Variants in IPP observed in about 807,000 individuals in gnomAD.
IPP encodes intracisternal A particle-promoted polypeptide.
In IPP, 41 loss-of-function variants were observed where a neutral mutation model predicts 64.1. That is an observed-to-expected ratio of 0.64 (90% CI 0.50 to 0.83). The LOEUF (loss-of-function observed/expected upper bound fraction) is 0.83, where lower values mean the gene tolerates loss of function less well. IPP is among the 40% of genes least tolerant of loss of function. The pLI is 0.00. For synonymous variants in IPP, 214 were observed against 235.2 expected, an observed-to-expected ratio of 0.91 and a Z score of 0.83; for missense variants, 649 against 703.0, an observed-to-expected ratio of 0.92 and a Z score of 0.87.
At chr1:45,725,450 A>G (rs1273363082) in intron 5 of IPP, among the ~76,000 whole-genome samples, 14 of 112,136 alleles carry the variant, frequency 1.2e-4, no homozygotes, top group African/African-American at 2.1e-4. Context: ...CAGCCGCCCC[A>G]TCCGGGAGGG....
At chr1:45,726,785 G>A (rs999973146) in intron 5 of IPP, among the ~76,000 whole-genome samples, 1 of 148,018 alleles carries the variant, frequency 6.8e-6, no homozygotes, top group Non-Finnish European at 1.5e-5. Context: ...GTGCAATGGC[G>A]CGATCTCGGC....
chr1:45,706,072 G>A (rs1210256668), intron 8 of IPP, among the ~76,000 whole-genome samples: 2 of 152,106 alleles, frequency 1.3e-5, no homozygotes, highest in Non-Finnish European at 2.9e-5. Context: ...TGCATGCTAA[G>A]GTGAGATTCC....
At chr1:45,723,477 C>G (rs1427687975) in intron 5 of IPP, among the ~76,000 whole-genome samples, 3 of 152,104 alleles carry the variant, frequency 2.0e-5, no homozygotes, top group Non-Finnish European at 4.4e-5. Context: ...ACAGAAGGAC[C>G]TCTGACCCTA....
At chr1:45,729,529 TGTATA>T in intron 4 of IPP, 80 bp downstream of exon 4, 1 of 1,010,628 alleles carries the variant, frequency 9.9e-7, no homozygotes, top group Non-Finnish European at 1.5e-6. Flanking sequence ...TATTCTGACA[TGTATA>T]GTAATAACAA....
intron 3 of IPP, among the ~76,000 whole-genome samples, chr1:45,732,021 T>C (rs947303626): frequency 4.0e-5 from 6 of 151,740 alleles, no homozygotes; most frequent in Middle Eastern, 6.8e-3. Flanking sequence ...CAGCTACAAA[T>C]AGACAGACTC....
chr1:45,741,708 A>G (rs1389612802), intron 2 of IPP, among the ~76,000 whole-genome samples: 3 of 121,210 alleles, frequency 2.5e-5, no homozygotes, highest in Non-Finnish European at 5.2e-5. Context: ...GGCTCACTGC[A>G]AGCTCCGCCT....
At chr1:45,724,854 TC>T (rs1310116728) in intron 5 of IPP, among the ~76,000 whole-genome samples, 2 of 149,576 alleles carry the variant, frequency 1.3e-5, no homozygotes. Flanking sequence ...GAGGAGCGTC[TC>T]CGCCCGGCAG....
At position 45,746,108 on chromosome 1, in the gene IPP, C is replaced by A; in HGVS notation, c.292+12G>T. The stretch of plus-strand genomic sequence containing the variant: ...CATTCTTCAGTCAAAGCAACAGACT[C>A]ATGTAACATACCTGTGTAAATGAAA... On this transcript the variant is annotated intron_variant, in intron 2 of 8. Coordinates refer to ENST00000396478, the MANE Select transcript of IPP (RefSeq NM_005897.3). 1 of 1,601,580 alleles carries A rather than the reference C, an allele frequency of 6.2e-7. No homozygotes were observed. The highest frequency in any genetic ancestry group is 8.5e-7 in the Non-Finnish European group (1 of 1,169,816).
At chr1:45,749,250 C>G (rs1255382281) in intron 1 of IPP, among the ~76,000 whole-genome samples, 1 of 152,196 alleles carries the variant, frequency 6.6e-6, no homozygotes, top group African/African-American at 2.4e-5. Context: ...AACAGAAATA[C>G]TAGTCTGTTA....
chr1:45,728,139 T>TGA (rs1389803577), intron 4 of IPP, among the ~76,000 whole-genome samples: 1 of 149,178 alleles, frequency 6.7e-6, no homozygotes, highest in Non-Finnish European at 1.5e-5. Context: ...TGTGTGTGTG[T>TGA]GTGTGTGTGT....
At position 45,716,997 on chromosome 1, in the gene IPP, T is replaced by G. The variant is rs1327947439; in HGVS notation, c.1207A>C (p.Ile403Leu). 2 of 1,613,184 alleles carry G rather than the reference T, an allele frequency of 1.2e-6. No homozygotes were observed. Among genetic ancestry groups the G allele is most frequent in the African/African-American group, 1.3e-5 (1 of 75,026 alleles). The change falls in exon 7 of 9, where the codon ATA (isoleucine) becomes CTA (leucine). Residue 403 changes from isoleucine to leucine, a missense_variant. Physicochemically the swap from Ile to Leu is conservative, Grantham distance 5. Coordinates refer to ENST00000396478, the MANE Select transcript of IPP (RefSeq NM_005897.3). Reference protein sequence around the residue: ...YALGGWVGAEIGNTIERFDPD... With the variant: ...YALGGWVGAELGNTIERFDPD... ...TCAAATCGTTCAATGGTGTTCCCTA[T>G]CTCAGCTCCAACCCATCCACCTGTA...
rs1454330627 is a variant in IPP, at chr1:45,719,339, A to G, written c.1050T>C (p.Gly350=). The change falls in exon 6 of 9, where the codon GGT becomes GGC. Residue 350 remains glycine (G), a splice_region_variant and synonymous_variant. Transcript: ENST00000396478. ...AATCAAAAATCATTGAATCCTTTTC[A>G]CCTGAGTTAAATAAAAGAGACAAAT... is the stretch of plus-strand genomic sequence containing the variant. The part of the protein sequence containing the change: ...VLGGMVYAIG[G]EKDSMIFDCT... 2 of 1,582,326 alleles carry G rather than the reference A, an allele frequency of 1.3e-6. No individual in the cohort carries two copies. Among genetic ancestry groups the G allele is most frequent in the African/African-American group, 1.4e-5 (1 of 73,378 alleles).
At chr1:45,742,399 A>G (rs1646078744) in intron 2 of IPP, among the ~76,000 whole-genome samples, 1 of 152,248 alleles carries the variant, frequency 6.6e-6, no homozygotes, top group South Asian at 2.1e-4. Context: ...AAACAACAAC[A>G]GCAACAACAA....
intron 2 of IPP, among the ~76,000 whole-genome samples, chr1:45,745,701 TAA>T (rs756055700): frequency 4.3e-5 from 6 of 139,506 alleles, no homozygotes; most frequent in Non-Finnish European, 3.1e-5. Flanking sequence ...TACTAAAAAT[TAA>T]AAAAAAAAAA....
intron 8 of IPP, among the ~76,000 whole-genome samples, chr1:45,702,466 A>G (rs1645468068): frequency 6.6e-6 from 1 of 152,142 alleles, no homozygotes; most frequent in South Asian, 2.1e-4. Context: ...TATTATTATT[A>G]TCATTTGAGA....
chr1:45,733,652 C>T (rs535227196), intron 3 of IPP, among the ~76,000 whole-genome samples: 1 of 151,646 alleles, frequency 6.6e-6, no homozygotes, highest in African/African-American at 2.4e-5. Context: ...GCCAATATGG[C>T]GAAACCCCGT....
In IPP at chr1:45,699,440, G is replaced by A; in HGVS notation, c.*526C>T. ...AAAGTTTTATGTTACAATTTATACT[G>A]CACTGGAGAAGTAGCTAAAGGGACT... On this transcript the variant is annotated 3_prime_UTR_variant, in exon 9 of 9. Transcript: ENST00000396478. 1 of 987,300 alleles carries A rather than the reference G, an allele frequency of 1.0e-6. No homozygotes were observed. Among genetic ancestry groups the A allele is most frequent in the Non-Finnish European group, 1.2e-6 (1 of 830,880 alleles). The allele number at this position is 987,300 out of a possible 1,614,324, so 61.2% of individuals were successfully genotyped here. A position where few individuals can be genotyped will look rare whatever the true frequency, so the allele number is the denominator to read the frequency against.
At position 45,719,360 on chromosome 1, in the gene IPP, C is replaced by G; in HGVS notation, c.1049-20G>C. On this transcript the variant is annotated intron_variant, in intron 5 of 8. Coordinates refer to ENST00000396478, the MANE Select transcript of IPP (RefSeq NM_005897.3). ...TTTCACCTGAGTTAAATAAAAGAGA[C>G]AAATATTATAAAGTTTAGTAATGCC... 1 of 1,527,236 alleles carries G rather than the reference C, an allele frequency of 6.5e-7. No homozygotes were observed. The highest frequency in any genetic ancestry group is 8.9e-7 in the Non-Finnish European group (1 of 1,121,404). The allele number at this position is 1,527,236 out of a possible 1,614,324, so 94.6% of individuals were successfully genotyped here. A position where few individuals can be genotyped will look rare whatever the true frequency, so the allele number is the denominator to read the frequency against.
At chr1:45,722,790 TA>T (rs1393060379) in intron 5 of IPP, among the ~76,000 whole-genome samples, 1 of 152,246 alleles carries the variant, frequency 6.6e-6, no homozygotes, top group Non-Finnish European at 1.5e-5. Flanking sequence ...AAAATATGAT[TA>T]TTTCCACACA....
Sources: allele counts gnomAD v4.1 joint callset (sites outside exome capture counted in the v4.1 genomes callset), GRCh38; gene constraint gnomAD v4.1.1; transcripts MANE v1.5; gene names NCBI Gene and HGNC (gene_info 2026-07-23, HGNC 2026-07-21).